Variants in UNC45B observed in about 807,000 individuals in gnomAD.
UNC45B encodes the protein protein unc-45 homolog B.
Under a neutral mutation model 98.7 loss-of-function variants are expected in UNC45B, and 78 were observed. The ratio of observed to expected loss-of-function variants is 0.79; its 90% CI spans 0.66 to 0.95. The LOEUF (loss-of-function observed/expected upper bound fraction) is 0.95. Ranked by LOEUF, UNC45B falls within the 40% of genes least tolerant of loss-of-function variation. UNC45B has a pLI of 0.00. For synonymous variants in UNC45B, 462 were observed against 480.4 expected (o/e 0.96, Z 0.50); for missense variants, 1,225 against 1,184.9 (o/e 1.03, Z -0.50).
chr17:35,185,434 A>G (rs578055067), intron 19 of UNC45B, among the ~76,000 whole-genome samples: 28 of 151,630 alleles, frequency 1.8e-4, no homozygotes, highest in Non-Finnish European at 3.4e-4. Flanking sequence ...CAGCCTTCCT[A>G]GTGGCTGGGA....
At chr17:35,181,397 T>C (rs2092272693) in intron 18 of UNC45B, among the ~76,000 whole-genome samples, 1 of 152,180 alleles carries the variant, frequency 6.6e-6, no homozygotes, top group South Asian at 2.1e-4. Flanking sequence ...ATGTCCCTCC[T>C]GGGCCCTCAC....
At chr17:35,149,106 T>G in intron 3 of UNC45B, 97 bp downstream of exon 3, 13 of 1,406,688 alleles carry the variant, frequency 9.2e-6, no homozygotes, top group Non-Finnish European at 1.3e-5. Flanking sequence ...AAACAGTGAG[T>G]ATGGAGTGAC....
At chr17:35,159,596 C>T in intron 8 of UNC45B, 51 bp downstream of exon 8, 1 of 1,581,270 alleles carries the variant, frequency 6.3e-7, no homozygotes, top group Non-Finnish European at 8.6e-7. Context: ...AAGTGGGCAC[C>T]AGGGCACTGA....
At chr17:35,163,867 TG>T in intron 8 of UNC45B, 127 bp from the exon 9 acceptor site, 1 of 1,114,570 alleles carries the variant, frequency 9.0e-7, no homozygotes. Flanking sequence ...CCTTTCATTC[TG>T]GATGAACCAC....
chr17:35,175,148 A>AAAGAAAGAGGGAAAGAAGGAAAGG (rs2092224079), intron 14 of UNC45B, among the ~76,000 whole-genome samples: 1 of 151,454 alleles, frequency 6.6e-6, no homozygotes, highest in African/African-American at 2.4e-5. Flanking sequence ...AAGGAGAAGG[A>AAAGAAAGAGGGAAAGAAGGAAAGG]AAGAAAGAGG....
chr17:35,179,446 G>T (rs1322656743), intron 17 of UNC45B, among the ~76,000 whole-genome samples: 1 of 152,196 alleles, frequency 6.6e-6, no homozygotes, highest in Admixed American at 6.5e-5. Flanking sequence ...AAAGACACAT[G>T]CACACGTATG....
In UNC45B at chr17:35,186,561, C is replaced by G. The variant is rs780480971; in HGVS notation, c.*2C>G. 6.2e-7 allele frequency: 1 copy of G among 1,614,014 alleles called. No individual in the cohort carries two copies. Among genetic ancestry groups the G allele is most frequent in the East Asian group, 2.2e-5 (1 of 44,884 alleles). On this transcript the variant is annotated 3_prime_UTR_variant, in exon 20 of 20. Coordinates refer to ENST00000394570, the MANE Select transcript of UNC45B (RefSeq NM_001267052.2). ...GGTTTCATTAAACCAGTGTCTTAGACAGCGACCCTCAGGGATGCTGGGAGT... is the reference window on the plus strand; with the variant it reads ...GGTTTCATTAAACCAGTGTCTTAGAGAGCGACCCTCAGGGATGCTGGGAGT...
intron 17 of UNC45B, among the ~76,000 whole-genome samples, chr17:35,179,566 C>A (rs1240643254): frequency 1.3e-5 from 2 of 152,124 alleles, no homozygotes; most frequent in Non-Finnish European, 2.9e-5. Flanking sequence ...GAATACTATG[C>A]AGCCATAAAA....
chr17:35,163,674 T>G (rs183687807), intron 8 of UNC45B, among the ~76,000 whole-genome samples: 2 of 152,298 alleles, frequency 1.3e-5, no homozygotes, highest in Non-Finnish European at 2.9e-5. Flanking sequence ...GAAGGGAATA[T>G]GAAATAGTAT....
chr17:35,149,707 G>A (rs1396924226), intron 3 of UNC45B, among the ~76,000 whole-genome samples: 3 of 152,196 alleles, frequency 2.0e-5, no homozygotes, highest in Non-Finnish European at 2.9e-5. Flanking sequence ...CAGCCACTGC[G>A]CCAGGCCCGC....
intron 10 of UNC45B, among the ~76,000 whole-genome samples, chr17:35,168,688 AT>A (rs372488373): frequency 1.3e-5 from 2 of 151,976 alleles, no homozygotes; most frequent in African/African-American, 2.4e-5. Context: ...TCTATAAGGT[AT>A]TTTTTTTCCA....
At chr17:35,168,024 G>A in intron 9 of UNC45B, 37 bp from the exon 10 acceptor site, 1 of 1,425,132 alleles carries the variant, frequency 7.0e-7, no homozygotes. Flanking sequence ...CACTCTCTTG[G>A]ACCAGTTCTC....
chr17:35,178,971 G>A (rs578165359), intron 17 of UNC45B, among the ~76,000 whole-genome samples: 13 of 152,230 alleles, frequency 8.5e-5, no homozygotes, highest in South Asian at 4.1e-4. Flanking sequence ...GTCAGGTAGC[G>A]TGATACCTGA....
intron 19 of UNC45B, among the ~76,000 whole-genome samples, chr17:35,184,782 G>C (rs2092293877): frequency 6.6e-6 from 1 of 152,166 alleles, no homozygotes; most frequent in South Asian, 2.1e-4. Flanking sequence ...TCCTTGCGGG[G>C]CTCAGACATC....
chr17:35,180,658 C>T lies in UNC45B; in HGVS notation c.2355C>T (p.Asn785=). The part of the protein sequence containing the change: ...LRQAATECMC[N]MVLHKEVQER... The stretch of plus-strand genomic sequence containing the variant: ...AGGCGGCCACCGAGTGCATGTGCAA[C>T]ATGGTGCTCCACAAGGAGGTGAGGC... Residue 785 remains asparagine, a synonymous_variant, in exon 18 of 20, where the codon AAC becomes AAT. Transcript: ENST00000394570. The T allele has an allele frequency of 1.9e-6, 3 of 1,613,496 alleles. No individual in the cohort carries two copies. Among genetic ancestry groups the T allele is most frequent in the African/African-American group, 1.3e-5 (1 of 74,998 alleles).
At chr17:35,180,870 G>A (rs1356214937) in intron 18 of UNC45B, among the ~76,000 whole-genome samples, 194 bp downstream of exon 18, 7 of 152,062 alleles carry the variant, frequency 4.6e-5, no homozygotes, top group African/African-American at 1.7e-4. Flanking sequence ...AGAAAGATAT[G>A]CATAAAGGAA....
chr17:35,165,710 C>T (rs915415072), intron 9 of UNC45B, among the ~76,000 whole-genome samples: 12 of 151,968 alleles, frequency 7.9e-5, no homozygotes, highest in African/African-American at 2.2e-4. Flanking sequence ...TGCCGAGGAG[C>T]GCGGATCACC....
chr17:35,185,298 T>A lies in UNC45B; in HGVS notation c.2530-1001T>A, dbSNP rs187848828. ...AAACCTTTGCATTGGTGTTTTTTTT[T>A]AATTTATTTTTATTTTTATTTTTTT... On this transcript the variant is annotated intron_variant, in intron 19 of 19. Coordinates refer to ENST00000394570, the MANE Select transcript of UNC45B (RefSeq NM_001267052.2). 8.3e-4 allele frequency among the ~76,000 whole-genome samples: 117 copies of A among 140,888 alleles called. 1 individual carries two copies. The highest frequency in any genetic ancestry group is 2.1e-3 in the African/African-American group (74 of 35,578). The allele number at this position is 140,888 out of a possible 152,430, so 92.4% of individuals were successfully genotyped here.
Position 35,169,855 on chromosome 17 carries a change from T to C in UNC45B, c.1471T>C (p.Ser491Pro). 6.2e-7 allele frequency: 1 copy of C among 1,614,140 alleles called. No homozygotes were observed. ...TCCTCAGGGACTCTGTAAGCTCGGC[T>C]CTGCAGGTGGCACAGACTACGGTCT... ...RTLVGLCKLGSAGGTDYGLRQ... is the reference protein window; with the variant it reads ...RTLVGLCKLGPAGGTDYGLRQ... Residue 491 changes from serine (S) to proline (P), a missense_variant, in exon 11 of 20, where the codon TCT becomes CCT. Transcript: ENST00000394570.
Sources: allele counts gnomAD v4.1 joint callset (sites outside exome capture counted in the v4.1 genomes callset), GRCh38; gene constraint gnomAD v4.1.1; transcripts MANE v1.5; gene names NCBI Gene and HGNC (gene_info 2026-07-23, HGNC 2026-07-21).